The following IRAK3 variants were observed in gnomAD, a reference collection of about 807,000 sequenced individuals.
IRAK3 encodes the protein interleukin 1 receptor associated kinase 3, also known as interleukin-1 receptor-associated kinase 3.
In IRAK3, 57 loss-of-function variants were observed where a neutral mutation model predicts 56.6. The observed-to-expected ratio is 1.01, with a 90% CI of 0.81 to 1.26. The LOEUF is 1.26. Among genes scored for constraint, IRAK3 ranks in the 50% most tolerant of loss-of-function variants. The pLI, the probability that IRAK3 is intolerant of heterozygous loss-of-function variation, is 0.00. For synonymous variants in IRAK3, 258 were observed against 255.7 expected (o/e 1.01, Z -0.09); for missense variants, 703 against 719.0 (o/e 0.98, Z 0.25).
Position 66,248,105 on chromosome 12 carries a change from G to A in IRAK3, c.1725G>A (p.Arg575=). ...CTCCAGGGCATTCTTGCAGGAGCAG[G>A]CCAGTGGAGAGCAGCTGTTCCTCCA... ...SEAPGHSCRS[R]PVESSCSSKF... Residue 575 remains arginine, a synonymous_variant, in exon 12 of 12, where the codon AGG becomes AGA. Transcript: ENST00000261233. 6.2e-7 allele frequency: 1 copy of A among 1,609,950 alleles called. No individual in the cohort carries two copies. The highest frequency in any genetic ancestry group is 8.5e-7 in the Non-Finnish European group (1 of 1,178,218).
At chr12:66,216,181 A>G (rs1261911003) in intron 5 of IRAK3, among the ~76,000 whole-genome samples, 2 of 152,308 alleles carry the variant, frequency 1.3e-5, no homozygotes, top group African/African-American at 4.8e-5. Context: ...TTCAGACTGG[A>G]AAACTATGGC....
intron 8 of IRAK3, chr12:66,234,767 G>T (rs1258495278): frequency 1.9e-6 from 3 of 1,592,818 alleles, no homozygotes; most frequent in Non-Finnish European, 2.6e-6. Context: ...TGTACCACTG[G>T]CATCACGTAG....
At chr12:66,218,672 G>C (rs535964636) in intron 6 of IRAK3, among the ~76,000 whole-genome samples, 27 of 152,242 alleles carry the variant, frequency 1.8e-4, no homozygotes, top group Non-Finnish European at 3.8e-4. Context: ...ATATTAATGT[G>C]TACAATGTGA....
intron 9 of IRAK3, 89 bp downstream of exon 9, chr12:66,244,773 A>G (rs11465981): frequency 3.7e-4 from 458 of 1,238,500 alleles, no homozygotes; most frequent in Admixed American, 6.9e-4. Flanking sequence ...TTAACTTTTG[A>G]CTCATTGATT....
chr12:66,247,636 A>G lies in IRAK3; in HGVS notation c.1315-59A>G. The stretch of plus-strand genomic sequence containing the variant: ...TATTCTTTATAGGTAGAGTGATAAA[A>G]GGTAAAAGGAAAGATTATTCAAACT... On this transcript the variant is annotated intron_variant, in intron 11 of 11. Transcript: ENST00000261233. 2.9e-6 allele frequency: 3 copies of G among 1,049,048 alleles called. No homozygotes were observed. In the Admixed American group the frequency reaches 5.1e-5, roughly 18 times the overall value. The allele number at this position is 1,049,048 out of a possible 1,614,324, so 65.0% of individuals were successfully genotyped here. A position where few individuals can be genotyped will look rare whatever the true frequency, so the allele number is the denominator to read the frequency against.
At chr12:66,205,576 C>T (rs535026988) in intron 2 of IRAK3, among the ~76,000 whole-genome samples, 1 of 152,248 alleles carries the variant, frequency 6.6e-6, no homozygotes, top group South Asian at 2.1e-4. Flanking sequence ...CAGGCGTTTC[C>T]TATCATAGCT....
chr12:66,199,999 A>G (rs1385587196), intron 1 of IRAK3, among the ~76,000 whole-genome samples: 1 of 152,222 alleles, frequency 6.6e-6, no homozygotes, highest in Non-Finnish European at 1.5e-5. Flanking sequence ...AACTTGAAAT[A>G]TGGAGGAAGG....
chr12:66,201,566 T>G (rs899759675), intron 1 of IRAK3, among the ~76,000 whole-genome samples: 2 of 152,238 alleles, frequency 1.3e-5, no homozygotes, highest in African/African-American at 2.4e-5. Context: ...TCATTTGCTT[T>G]CTTTCTCCCC....
intron 8 of IRAK3, among the ~76,000 whole-genome samples, chr12:66,233,780 C>A (rs2052870808): frequency 1.4e-5 from 2 of 147,192 alleles, no homozygotes; most frequent in South Asian, 4.3e-4. Flanking sequence ...TTTCTTTTTT[C>A]TTTTTCTTTT....
chr12:66,194,330 A>T (rs2052428695), intron 1 of IRAK3, among the ~76,000 whole-genome samples: 1 of 152,030 alleles, frequency 6.6e-6, no homozygotes, highest in Non-Finnish European at 1.5e-5. Context: ...AATATTCCTC[A>T]AAAGGGCTAT....
At chr12:66,245,394 T>C (rs1046540670) in intron 11 of IRAK3, 132 bp downstream of exon 11, 10 of 956,840 alleles carry the variant, frequency 1.0e-5, no homozygotes, top group African/African-American at 3.2e-5. Flanking sequence ...AATTCCAACA[T>C]AATAGTGTTT....
chr12:66,202,222 A>C (rs1565799577), intron 1 of IRAK3, among the ~76,000 whole-genome samples: 1 of 152,184 alleles, frequency 6.6e-6, no homozygotes, highest in Admixed American at 6.5e-5. Context: ...AGAGGAATAG[A>C]GATCCACGGA....
At chr12:66,236,668 T>C (rs2136946766) in intron 8 of IRAK3, among the ~76,000 whole-genome samples, 1 of 152,276 alleles carries the variant, frequency 6.6e-6, no homozygotes. Context: ...ACTTGCACAT[T>C]CGGAGCCAAC....
intron 8 of IRAK3, among the ~76,000 whole-genome samples, chr12:66,239,691 GT>G (rs1190209687): frequency 6.6e-6 from 1 of 151,966 alleles, no homozygotes; most frequent in Non-Finnish European, 1.5e-5. Flanking sequence ...GATTTTTCCT[GT>G]TTTCCCCCAG....
At chr12:66,192,715 GT>G (rs1565796746) in intron 1 of IRAK3, among the ~76,000 whole-genome samples, 2 of 152,020 alleles carry the variant, frequency 1.3e-5, no homozygotes, top group African/African-American at 4.8e-5. Context: ...AATAATAGTA[GT>G]AATAATAATA....
At chr12:66,236,451 C>T (rs2052909259) in intron 8 of IRAK3, among the ~76,000 whole-genome samples, 1 of 151,370 alleles carries the variant, frequency 6.6e-6, no homozygotes, top group Admixed American at 6.6e-5. Flanking sequence ...GCTTGTAGTC[C>T]CAGCTAGTCT....
intron 8 of IRAK3, among the ~76,000 whole-genome samples, chr12:66,239,896 G>A (rs1004919871): frequency 5.9e-5 from 9 of 151,956 alleles, no homozygotes; most frequent in African/African-American, 1.5e-4. Context: ...TCTCTCCATT[G>A]TCTTAAAATG....
intron 6 of IRAK3, among the ~76,000 whole-genome samples, chr12:66,223,402 G>A (rs897979905): frequency 6.6e-6 from 1 of 152,002 alleles, no homozygotes; most frequent in African/African-American, 2.4e-5. Context: ...GCTCACGCCT[G>A]TAATCCCAGC....
intron 1 of IRAK3, among the ~76,000 whole-genome samples, chr12:66,191,093 G>A (rs566099870): frequency 4.6e-5 from 7 of 152,318 alleles, no homozygotes; most frequent in African/African-American, 1.7e-4. Context: ...AGACTCAAAA[G>A]CAGACAGAGG....
Sources: gnomAD v4.1 joint callset for allele counts (sites outside exome capture counted in the v4.1 genomes callset) on GRCh38, gnomAD v4.1.1 for gene constraint, MANE v1.5 for transcripts, NCBI Gene and HGNC (gene_info 2026-07-23, HGNC 2026-07-21) for gene names.